Variants in TMEM51 observed in about 807,000 individuals in gnomAD.
TMEM51 encodes chromosome 1 open reading frame 72.
Under a neutral mutation model 13.6 loss-of-function variants are expected in TMEM51, and 8 were observed. The observed-to-expected ratio is 0.59, with a 90% CI of 0.35 to 1.07. The LOEUF is 1.07. TMEM51 is among the 50% of genes least tolerant of loss of function. The pLI is 0.02. For missense variants in TMEM51, 279 were observed against 330.7 expected, an observed-to-expected ratio of 0.84 and a Z score of 1.21; for synonymous variants, 147 against 144.4, an observed-to-expected ratio of 1.02 and a Z score of -0.13.
intron 1 of TMEM51, among the ~76,000 whole-genome samples, chr1:15,164,807 C>CTTTTTT (rs67258662): frequency 2.6e-5 from 3 of 116,316 alleles, no homozygotes; most frequent in Non-Finnish European, 1.7e-5. Context: ...TTTTTTTTTC[C>CTTTTTT]TTTTTTTTTT....
chr1:15,173,899 T>G (rs1643375797), intron 1 of TMEM51, among the ~76,000 whole-genome samples: 1 of 152,170 alleles, frequency 6.6e-6, no homozygotes, highest in Admixed American at 6.5e-5. Flanking sequence ...AACAAGCTAG[T>G]TTTTCAAGAA....
rs569432109 is a variant in TMEM51 at position 15,207,192 on chromosome 1, T to C, written c.-266-3298T>C. On this transcript the variant is annotated intron_variant, in intron 1 of 3. Transcript: ENST00000376008. This position sits in a 1 kb window ranked among gnomAD's most constrained non-coding sequence, Gnocchi z 4.6. The stretch of plus-strand genomic sequence containing the variant: ...GCAGGGAGAATGCTCAAGGAGCCCC[T>C]CTGTCATGGGGGTTGGTAGCACCGC... 6.6e-6 allele frequency among the ~76,000 whole-genome samples: 1 copy of C among 152,222 alleles called. No homozygotes were observed. Among genetic ancestry groups the C allele is most frequent in the Non-Finnish European group, 1.5e-5 (1 of 67,992 alleles).
chr1:15,195,164 C>G (rs1644023061), intron 1 of TMEM51, among the ~76,000 whole-genome samples: 1 of 151,978 alleles, frequency 6.6e-6, no homozygotes, highest in Non-Finnish European at 1.5e-5. Flanking sequence ...ATTTCCTGAG[C>G]TCAAGCAATC....
chr1:15,170,720 A>C (rs1643232690), intron 1 of TMEM51, among the ~76,000 whole-genome samples: 1 of 152,132 alleles, frequency 6.6e-6, no homozygotes, highest in African/African-American at 2.4e-5. Context: ...CATCCCAAAC[A>C]GAAATGGAGG....
chr1:15,154,344 T>G (rs1642513069), intron 1 of TMEM51, among the ~76,000 whole-genome samples: 1 of 152,250 alleles, frequency 6.6e-6, no homozygotes, highest in Non-Finnish European at 1.5e-5. Context: ...GGAAACCACC[T>G]TGGCGCTTTG....
Position 15,215,447 on chromosome 1 carries a change from C to T in TMEM51, c.344+16C>T. 4 of 1,571,386 alleles carry T rather than the reference C, an allele frequency of 2.5e-6. No individual in the cohort carries two copies. The highest frequency in any genetic ancestry group is 3.4e-6 in the Non-Finnish European group (4 of 1,161,854). ...AGGAAGACAGGTGAGGCCTGACTGT[C>T]CCCTTCCCTCCCCGGATCGGGGATG... On this transcript the variant is annotated intron_variant, in intron 3 of 3. Coordinates refer to ENST00000376008, the MANE Select transcript of TMEM51 (RefSeq NM_001136218.2).
At chr1:15,175,461 T>A (rs1643428812) in intron 1 of TMEM51, among the ~76,000 whole-genome samples, 1 of 152,208 alleles carries the variant, frequency 6.6e-6, no homozygotes, top group Non-Finnish European at 1.5e-5. Context: ...TAAGTGGTTT[T>A]CTGTTCCCCT....
chr1:15,219,875 G>GC lies in TMEM51; in HGVS notation c.*133dup. 2 of 1,026,388 alleles carry GC rather than the reference G, an allele frequency of 1.9e-6. No individual in the cohort carries two copies. The highest frequency in any genetic ancestry group is 5.1e-5 in the East Asian group (2 of 38,938). 63.6% of individuals were successfully genotyped at this position (1,026,388 alleles called of 1,614,324 possible). A position where few individuals can be genotyped will look rare whatever the true frequency, so the allele number is the denominator to read the frequency against. On this transcript the variant is annotated 3_prime_UTR_variant, in exon 4 of 4. Transcript: ENST00000376008. Reference sequence around the variant, plus strand: ...CATGGAGCCATTTGGATGGCGGCGGGCGGGGGGGGATTCTCTGTATCAGGA... The same window carrying GC: ...CATGGAGCCATTTGGATGGCGGCGGGCCGGGGGGGGATTCTCTGTATCAGGA...
chr1:15,200,485 G>A (rs1001267855), intron 1 of TMEM51, among the ~76,000 whole-genome samples: 8 of 151,380 alleles, frequency 5.3e-5, no homozygotes, highest in Non-Finnish European at 8.8e-5. Flanking sequence ...TGAGGACAGA[G>A]GGAACAGGTG....
In TMEM51 at chr1:15,219,604, C is replaced by A. The variant is rs1212934554; in HGVS notation, c.623C>A (p.Ser208Tyr). Reference protein sequence around the residue: ...LKPLKVRRIKSEKLHLKDFRI... With the variant: ...LKPLKVRRIKYEKLHLKDFRI... Reference sequence around the variant, plus strand: ...CCGCTGAAAGTTCGAAGGATTAAATCTGAAAAGCTTCACCTCAAAGACTTT... The same window carrying A: ...CCGCTGAAAGTTCGAAGGATTAAATATGAAAAGCTTCACCTCAAAGACTTT... Residue 208 changes from serine to tyrosine, a missense_variant, in exon 4 of 4, where the codon TCT becomes TAT. Transcript: ENST00000376008. 40 of 1,613,990 alleles carry A rather than the reference C, an allele frequency of 2.5e-5. No individual in the cohort carries two copies. Among genetic ancestry groups the A allele is most frequent in the African/African-American group, 5.3e-5 (4 of 74,934 alleles).
intron 1 of TMEM51, chr1:15,192,442 C>CT (rs1288039231): frequency 0.018 from 3,517 of 192,358 alleles, 154 homozygotes; most frequent in African/African-American, 0.12. Flanking sequence ...TTCTTTCTTT[C>CT]TTTCTTTCTT....
chr1:15,219,292 C>G, intron 3 of TMEM51, 34 bp from the exon 4 acceptor site: 1 of 1,547,152 alleles, frequency 6.5e-7, no homozygotes, highest in Non-Finnish European at 8.7e-7. Context: ...TGAGCACAGG[C>G]TAACACTCTC....
chr1:15,153,081 C>G (rs2013089), upstream of TMEM51, among the ~76,000 whole-genome samples: 121,927 of 152,234 alleles, frequency 0.8, 48,948 homozygotes, highest in East Asian at 0.94. Flanking sequence ...CTGGGGACCA[C>G]GCATCGGGTG....
chr1:15,215,396 G>A lies in TMEM51; in HGVS notation c.309G>A (p.Pro103=), dbSNP rs765911994. 23 of 1,608,746 alleles carry A rather than the reference G, an allele frequency of 1.4e-5. No homozygotes were observed. The East Asian group carries it at 2.0e-4, about 14-fold the overall frequency. ...AGGACCTGGCCCATGTCCAGCACCC[G>A]ACAGGCGCTGGGCCTCACGCCCAGG... ...QGEDLAHVQH[P]TGAGPHAQEE... Residue 103 remains proline, a synonymous_variant, in exon 3 of 4, where the codon CCG becomes CCA. Transcript: ENST00000376008.
At chr1:15,201,385 TATA>T (rs1481088896) in intron 1 of TMEM51, among the ~76,000 whole-genome samples, 8 of 150,522 alleles carry the variant, frequency 5.3e-5, no homozygotes, top group East Asian at 1.9e-4. Flanking sequence ...AAAGTAAATA[TATA>T]ATGAGTATTA....
At chr1:15,177,636 G>T (rs537614266) in intron 1 of TMEM51, among the ~76,000 whole-genome samples, 28 of 152,318 alleles carry the variant, frequency 1.8e-4, no homozygotes, top group Admixed American at 1.3e-3. Flanking sequence ...CTGGGACCTT[G>T]TCTATGCTTC....
chr1:15,153,837 C>T lies in TMEM51; in HGVS notation c.-384C>T, dbSNP rs1449574394. The T allele has an allele frequency of 2.8e-4, 42 of 152,130 alleles. No homozygotes were observed. The highest frequency in any genetic ancestry group is 9.9e-4 in the African/African-American group (41 of 41,512). 9.4% of individuals were successfully genotyped at this position (152,130 alleles called of 1,614,324 possible). On this transcript the variant is annotated 5_prime_UTR_variant, in exon 1 of 4. Transcript: ENST00000376008. ...TTCCCTCGGCTAAGAATCCCCCGAA[C>T]CCCAGCCCCGCGATCGCGGCGCCCA...
rs3078880 is a variant in TMEM51 at position 15,192,470 on chromosome 1, T to TTTTTTTTTTA, written c.-266-18020_-266-18019insTTTTTTTTTA. Reference sequence around the variant, plus strand: ...TCTTTCTTTTCTTTTCCTTTTTTTTTATGACAGAATCTTGCTCTGCTGCCC... The same window carrying TTTTTTTTTTA: ...TCTTTCTTTTCTTTTCCTTTTTTTTTTTTTTTTTTAATGACAGAATCTTGCTCTGCTGCCC... On this transcript the variant is annotated intron_variant, in intron 1 of 3. Transcript: ENST00000376008. The TTTTTTTTTTA allele has an allele frequency of 3.2e-5, 8 of 250,742 alleles. 2 individuals are homozygous for TTTTTTTTTTA. Among genetic ancestry groups the TTTTTTTTTTA allele is most frequent in the South Asian group, 3.9e-5 (1 of 25,878 alleles). The allele number at this position is 250,742 out of a possible 1,614,324, so 15.5% of individuals were successfully genotyped here.
chr1:15,192,338 A>G (rs1643940300), intron 1 of TMEM51: 1 of 370,716 alleles, frequency 2.7e-6, no homozygotes, highest in Non-Finnish European at 5.3e-6. Context: ...ATTATTTCTT[A>G]CAACACCAAC....
Sources: gnomAD v4.1 joint callset for allele counts (sites outside exome capture counted in the v4.1 genomes callset) on GRCh38, gnomAD v4.1.1 for gene constraint, Gnocchi (gnomAD v3.1) non-coding constraint, MANE v1.5 for transcripts, NCBI Gene and HGNC (gene_info 2026-07-23, HGNC 2026-07-21) for gene names.